The following ATF7 variants were observed in gnomAD, a reference collection of about 807,000 sequenced individuals.
ATF7 encodes activating transcription factor 7, also known as cyclic AMP-dependent transcription factor ATF-7.
In ATF7, 10 loss-of-function variants were observed where a neutral mutation model predicts 50.4. That is an observed-to-expected ratio of 0.20 (90% CI 0.12 to 0.34). ATF7 has a LOEUF of 0.34. Among genes scored for constraint, ATF7 ranks in the 10% least tolerant of loss-of-function variants. The pLI is 1.00. For missense variants in ATF7, 465 were observed against 613.9 expected (o/e 0.76, Z 2.56); for synonymous variants, 201 against 226.4 (o/e 0.89, Z 1.01).
Position 53,612,100 on chromosome 12 carries a change from C to T in ATF7, c.-21-11079G>A, listed in dbSNP as rs141632677. ...CAGCGATTCTCCCACCTCAGCCTCCCGAGCACCTGGGGCTACGGGCTCGCA... is the reference window on the plus strand; with the variant it reads ...CAGCGATTCTCCCACCTCAGCCTCCTGAGCACCTGGGGCTACGGGCTCGCA... On this transcript the variant is annotated intron_variant, in intron 1 of 11. Coordinates refer to ENST00000420353, the MANE Select transcript of ATF7 (RefSeq NM_006856.3). Among the ~76,000 whole-genome samples, 885 of 151,486 alleles carry T rather than the reference C, an allele frequency of 5.8e-3. 4 individuals are homozygous for T. The highest frequency in any genetic ancestry group is 0.02 in the African/African-American group (837 of 41,272).
chr12:53,549,981 G>A (rs1940224760), intron 3 of ATF7, among the ~76,000 whole-genome samples: 1 of 152,102 alleles, frequency 6.6e-6, no homozygotes, highest in African/African-American at 2.4e-5. Context: ...GCCTTCTAAA[G>A]TGCTGAAATT....
chr12:53,546,096 G>A (rs1489304842), intron 3 of ATF7, among the ~76,000 whole-genome samples: 1 of 152,122 alleles, frequency 6.6e-6, no homozygotes, highest in Non-Finnish European at 1.5e-5. Flanking sequence ...GGAGGCTGAG[G>A]CAGGCGAATT....
intron 3 of ATF7, among the ~76,000 whole-genome samples, chr12:53,547,472 G>C (rs1940020721): frequency 6.7e-6 from 1 of 149,576 alleles, no homozygotes; most frequent in Non-Finnish European, 1.5e-5. Flanking sequence ...TTTTAGTAGA[G>C]ACAGGGATTC....
At chr12:53,610,081 T>C (rs1449822529) in intron 1 of ATF7, among the ~76,000 whole-genome samples, 1 of 151,960 alleles carries the variant, frequency 6.6e-6, no homozygotes, top group Non-Finnish European at 1.5e-5. Context: ...CCTCCCAAAG[T>C]GCTGGGATTA....
At chr12:53,517,862 T>A (rs779894781) in intron 11 of ATF7, among the ~76,000 whole-genome samples, 2 of 152,176 alleles carry the variant, frequency 1.3e-5, no homozygotes, top group Non-Finnish European at 2.9e-5. Flanking sequence ...TCCATTATTT[T>A]ATTTATTTAT....
intron 3 of ATF7, among the ~76,000 whole-genome samples, chr12:53,544,942 T>C (rs1939803745): frequency 6.6e-6 from 1 of 152,198 alleles, no homozygotes; most frequent in African/African-American, 2.4e-5. Context: ...GCAGCTTTGG[T>C]TGGCTAACGA....
intron 4 of ATF7, among the ~76,000 whole-genome samples, chr12:53,541,392 G>C (rs1939543250): frequency 6.6e-6 from 1 of 152,132 alleles, no homozygotes; most frequent in Non-Finnish European, 1.5e-5. Context: ...CAGGAACACA[G>C]ACTTGATTTT....
intron 1 of ATF7, among the ~76,000 whole-genome samples, chr12:53,622,731 G>C (rs879492211): frequency 3.3e-5 from 5 of 151,976 alleles, no homozygotes; most frequent in Non-Finnish European, 7.4e-5. Context: ...CCAGCACTTT[G>C]AGAGACCAAG....
At chr12:53,569,955 G>A (rs1941658824) in intron 2 of ATF7, among the ~76,000 whole-genome samples, 1 of 152,150 alleles carries the variant, frequency 6.6e-6, no homozygotes. Flanking sequence ...GGGATTACAG[G>A]TGTGAGCCAC....
chr12:53,537,278 AGGCT>A, intron 5 of ATF7, 133 bp downstream of exon 5: 1 of 1,073,032 alleles, frequency 9.3e-7, no homozygotes, highest in South Asian at 1.8e-5. Context: ...CATGTTGCCC[AGGCT>A]GGTCTTGAAT....
At chr12:53,550,196 C>T (rs866650808) in intron 3 of ATF7, among the ~76,000 whole-genome samples, 13 of 151,578 alleles carry the variant, frequency 8.6e-5, no homozygotes, top group Non-Finnish European at 1.2e-4. Context: ...TAGTGGTGCG[C>T]GCCTACAATC....
At chr12:53,518,800 C>T (rs1034447853) in intron 11 of ATF7, among the ~76,000 whole-genome samples, 3 of 151,956 alleles carry the variant, frequency 2.0e-5, no homozygotes, top group Admixed American at 1.3e-4. Context: ...AATCCCAGCA[C>T]TTTCAGAGGC....
At chr12:53,618,736 A>C (rs1356328236) in intron 1 of ATF7, among the ~76,000 whole-genome samples, 2 of 152,108 alleles carry the variant, frequency 1.3e-5, no homozygotes, top group African/African-American at 2.4e-5. Context: ...TAGTTGGTAT[A>C]GGTTTTTATT....
In ATF7 at chr12:53,516,625, A is replaced by C. The variant is rs2137304762; in HGVS notation, c.*512T>G. 1 of 158,104 alleles carries C rather than the reference A, an allele frequency of 6.3e-6. No individual in the cohort carries two copies. Among genetic ancestry groups the C allele is most frequent in the South Asian group, 1.9e-4 (1 of 5,364 alleles). 9.8% of individuals were successfully genotyped at this position (158,104 alleles called of 1,614,324 possible). A position where few individuals can be genotyped will look rare whatever the true frequency, so the allele number is the denominator to read the frequency against. Reference sequence around the variant, plus strand: ...GGAAAAAGGAAACGGGTAAATAAGCAGCTATGGGAGACCTGAGTCCTGAGT... The same window carrying C: ...GGAAAAAGGAAACGGGTAAATAAGCCGCTATGGGAGACCTGAGTCCTGAGT... On this transcript the variant is annotated 3_prime_UTR_variant, in exon 12 of 12. Coordinates refer to ENST00000420353, the MANE Select transcript of ATF7 (RefSeq NM_006856.3).
At chr12:53,607,353 G>C (rs986151736) in intron 1 of ATF7, among the ~76,000 whole-genome samples, 6 of 152,064 alleles carry the variant, frequency 3.9e-5, no homozygotes, top group African/African-American at 1.4e-4. Context: ...ATATTTAGAC[G>C]ATCTTTCTGG....
intron 2 of ATF7, among the ~76,000 whole-genome samples, chr12:53,558,575 G>A (rs1290959937): frequency 6.6e-6 from 1 of 152,190 alleles, no homozygotes; most frequent in Non-Finnish European, 1.5e-5. Flanking sequence ...GGAAGATGGA[G>A]ACAGAAGGCA....
intron 2 of ATF7, among the ~76,000 whole-genome samples, chr12:53,569,713 C>T (rs984418421): frequency 2.7e-5 from 4 of 150,744 alleles, no homozygotes; most frequent in Non-Finnish European, 5.9e-5. Flanking sequence ...CTCGCTCTGT[C>T]GCCCAGGCTG....
chr12:53,597,971 T>C (rs1943239683), intron 2 of ATF7, among the ~76,000 whole-genome samples: 1 of 152,182 alleles, frequency 6.6e-6, no homozygotes, highest in African/African-American at 2.4e-5. Flanking sequence ...GGGATTTACA[T>C]AGCCTTTTTA....
chr12:53,617,764 T>C (rs1944202492), intron 1 of ATF7, among the ~76,000 whole-genome samples: 1 of 152,194 alleles, frequency 6.6e-6, no homozygotes, highest in South Asian at 2.1e-4. Context: ...TATCTTTTCA[T>C]ACAACCTTTC....
Sources: allele counts gnomAD v4.1 joint callset (sites outside exome capture counted in the v4.1 genomes callset), GRCh38; gene constraint gnomAD v4.1.1; transcripts MANE v1.5; gene names NCBI Gene and HGNC (gene_info 2026-07-23, HGNC 2026-07-21).